The following PPCS variants were observed in gnomAD, a reference collection of about 807,000 sequenced individuals.
PPCS encodes the protein phosphopantothenoylcysteine synthetase, also known as phosphopantothenate--cysteine ligase.
A neutral mutation model predicts 24.6 loss-of-function variants in PPCS; 17 were observed. That is an observed-to-expected ratio of 0.69 (90% CI 0.47 to 1.04). The LOEUF (loss-of-function observed/expected upper bound fraction) is 1.04. Ranked by LOEUF, PPCS falls within the 50% of genes least tolerant of loss-of-function variation. The pLI, the probability that PPCS is intolerant of heterozygous loss-of-function variation, is 0.00. For missense variants in PPCS, 360 were observed against 402.8 expected (o/e 0.89, Z 0.91); for synonymous variants, 190 against 168.3 (o/e 1.13, Z -1.00).
chr1:42,457,126 G>A (rs2148416503), intron 1 of PPCS, 53 bp downstream of exon 1: 1 of 1,576,974 alleles, frequency 6.3e-7, no homozygotes, highest in Non-Finnish European at 8.6e-7. Context: ...TTTCTTTCCA[G>A]CCACTTATCC....
chr1:42,467,576 C>G (rs1643629276), intron 2 of PPCS, among the ~76,000 whole-genome samples: 1 of 152,122 alleles, frequency 6.6e-6, no homozygotes. Flanking sequence ...ATGGGTTGTT[C>G]AAGCTGAGTT....
At position 42,460,327 on chromosome 1, in the gene PPCS, T is replaced by A; in HGVS notation, c.*401T>A. On this transcript the variant is annotated 3_prime_UTR_variant, in exon 3 of 3. Transcript: ENST00000372561. ...TGCTGAGCCATGAGGATTAAAAAGA[T>A]GAATAAACATATCTTGTTTAGGAAA... The A allele has an allele frequency of 3.0e-6, 3 of 988,664 alleles. No homozygotes were observed. The highest frequency in any genetic ancestry group is 3.6e-6 in the Non-Finnish European group (3 of 831,366). The allele number at this position is 988,664 out of a possible 1,614,324, so 61.2% of individuals were successfully genotyped here.
Position 42,471,188 on chromosome 1 carries a change from C to T in PPCS, n.378-1934C>T, listed in dbSNP as rs111528153. On this transcript the variant is annotated intron_variant and non_coding_transcript_variant, in intron 2 of 2. Coordinates refer to the PPCS transcript ENST00000471420. ...GGTGATTTGTGCACTTGAGTATTGACCTGAAGCCTGTACCGTCCTACTGAT... is the reference window on the plus strand; with the variant it reads ...GGTGATTTGTGCACTTGAGTATTGATCTGAAGCCTGTACCGTCCTACTGAT... 6.0e-3 allele frequency among the ~76,000 whole-genome samples: 908 copies of T among 152,170 alleles called. 6 individuals carry two copies. The highest frequency in any genetic ancestry group is 0.02 in the African/African-American group (847 of 41,510).
At chr1:42,465,671 A>G (rs572453807), downstream of PPCS, among the ~76,000 whole-genome samples, 1 of 152,282 alleles carries the variant, frequency 6.6e-6, no homozygotes, top group Middle Eastern at 3.4e-3. Flanking sequence ...GACCTCTAGC[A>G]CAGTTTTAAA....
downstream of PPCS, among the ~76,000 whole-genome samples, chr1:42,466,166 A>G (rs1231351987): frequency 1.3e-5 from 2 of 152,192 alleles, no homozygotes; most frequent in African/African-American, 4.8e-5. Context: ...AAGTCACCTG[A>G]CAGCATATTT....
chr1:42,461,967 T>C (rs1016827751), downstream of PPCS, among the ~76,000 whole-genome samples: 3 of 152,238 alleles, frequency 2.0e-5, no homozygotes, highest in African/African-American at 7.2e-5. Flanking sequence ...TGTTCTTCTC[T>C]GCATTCATAG....
intron 2 of PPCS, among the ~76,000 whole-genome samples, chr1:42,466,843 C>T (rs1024996647): frequency 3.3e-5 from 5 of 152,146 alleles, no homozygotes; most frequent in Admixed American, 1.3e-4. Context: ...TGAGCCTCTG[C>T]GCCCGGCCAA....
At chr1:42,469,305 G>A (rs1340948353) in intron 2 of PPCS, among the ~76,000 whole-genome samples, 2 of 152,174 alleles carry the variant, frequency 1.3e-5, no homozygotes, top group East Asian at 1.9e-4. Context: ...TCACTAGAGC[G>A]CAGGAGTTTG....
chr1:42,456,557 G>C lies in PPCS; in HGVS notation c.-9G>C. On this transcript the variant is annotated 5_prime_UTR_variant, in exon 1 of 3. Transcript: ENST00000372561. ...GAAACGTGCGCAGGCGCCGGCCGCT[G>C]CGCTGCAGATGGCGGAAATGGATCC... 1 of 1,464,352 alleles carries C rather than the reference G, an allele frequency of 6.8e-7. No individual in the cohort carries two copies. Among genetic ancestry groups the C allele is most frequent in the Non-Finnish European group, 9.0e-7 (1 of 1,110,470 alleles). The allele number at this position is 1,464,352 out of a possible 1,614,324, so 90.7% of individuals were successfully genotyped here. A position where few individuals can be genotyped will look rare whatever the true frequency, so the allele number is the denominator to read the frequency against.
At chr1:42,465,506 A>T (rs939535116), downstream of PPCS, among the ~76,000 whole-genome samples, 1 of 152,132 alleles carries the variant, frequency 6.6e-6, no homozygotes, top group Non-Finnish European at 1.5e-5. Flanking sequence ...CTGGGATTAT[A>T]GGCATGTGCC....
In PPCS at chr1:42,460,913, A is replaced by C. The variant is rs1643393589; in HGVS notation, c.*987A>C. Among the ~76,000 whole-genome samples, 2 of 152,278 alleles carry C rather than the reference A, an allele frequency of 1.3e-5. No homozygotes were observed. Among genetic ancestry groups the C allele is most frequent in the Non-Finnish European group, 2.9e-5 (2 of 68,054 alleles). On this transcript the variant is annotated 3_prime_UTR_variant, in exon 3 of 3. Coordinates refer to ENST00000372561, the MANE Select transcript of PPCS (RefSeq NM_024664.4). Reference sequence around the variant, plus strand: ...TATTGTTTTTCTCACTTAGCAAAGCAGTGTTACACCACTGCCCTGCTTAAT... The same window carrying C: ...TATTGTTTTTCTCACTTAGCAAAGCCGTGTTACACCACTGCCCTGCTTAAT...
downstream of PPCS, among the ~76,000 whole-genome samples, chr1:42,465,426 G>A (rs986222505): frequency 6.6e-6 from 1 of 152,090 alleles, no homozygotes; most frequent in African/African-American, 2.4e-5. Flanking sequence ...TTGCAATGGC[G>A]CGATCTTGGC....
At chr1:42,473,172 C>A in exon 3 of PPCS, 1 of 1,230,776 alleles carries the variant, frequency 8.1e-7, no homozygotes, top group Non-Finnish European at 1.0e-6. Context: ...AAGAAGAAAT[C>A]AATCCCCTTG....
intron 2 of PPCS, among the ~76,000 whole-genome samples, chr1:42,468,898 G>A (rs1403857572): frequency 6.6e-6 from 1 of 152,106 alleles, no homozygotes; most frequent in Admixed American, 6.6e-5. Context: ...CTAAAGGCAG[G>A]GTTTTCCTGG....
downstream of PPCS, among the ~76,000 whole-genome samples, chr1:42,462,971 C>T (rs1451995272): frequency 6.6e-6 from 1 of 152,180 alleles, no homozygotes; most frequent in African/African-American, 2.4e-5. Flanking sequence ...AAAAATAAAT[C>T]CAAGGTTAGT....
chr1:42,466,077 T>C (rs1237541671), downstream of PPCS, among the ~76,000 whole-genome samples: 1 of 152,258 alleles, frequency 6.6e-6, no homozygotes, highest in Admixed American at 6.5e-5. Context: ...AATATGTATT[T>C]TATTTAAGAT....
chr1:42,458,384 T>C (rs1643300739), intron 2 of PPCS, among the ~76,000 whole-genome samples: 1 of 152,172 alleles, frequency 6.6e-6, no homozygotes, highest in African/African-American at 2.4e-5. Context: ...TAGTCATTTA[T>C]TGGGTGATAC....
intron 2 of PPCS, among the ~76,000 whole-genome samples, chr1:42,472,128 C>T (rs903434321): frequency 6.6e-6 from 1 of 152,228 alleles, no homozygotes; most frequent in East Asian, 1.9e-4. Flanking sequence ...GTGGCACACA[C>T]CTGTAATCCC....
downstream of PPCS, chr1:42,463,201 C>G (rs577471072): frequency 2.0e-5 from 3 of 152,240 alleles, no homozygotes; most frequent in Non-Finnish European, 2.9e-5. Context: ...TCCACAAGAA[C>G]CACAGTCTCT....
Sources: gnomAD v4.1 joint callset for allele counts (sites outside exome capture counted in the v4.1 genomes callset) on GRCh38, gnomAD v4.1.1 for gene constraint, MANE v1.5 for transcripts, NCBI Gene and HGNC (gene_info 2026-07-23, HGNC 2026-07-21) for gene names.